Variants in RPS6KC1 observed in about 807,000 individuals in gnomAD.
RPS6KC1 encodes the protein ribosomal protein S6 kinase C1, also known as inactive ribosomal protein S6 kinase delta-1.
A neutral mutation model predicts 103.8 loss-of-function variants in RPS6KC1; 54 were observed. That is an observed-to-expected ratio of 0.52 (90% confidence interval 0.42 to 0.65). The LOEUF (loss-of-function observed/expected upper bound fraction) is 0.65, where lower values mean the gene tolerates loss of function less well. Ranked by LOEUF, RPS6KC1 falls within the 30% of genes least tolerant of loss-of-function variation. The probability of loss-of-function intolerance (pLI) is 0.00; values close to 1 mark genes in which losing one functional copy is unlikely to be tolerated. For missense variants in RPS6KC1, 1,151 were observed against 1,253.8 expected (o/e 0.92, Z 1.24); for synonymous variants, 439 against 438.7 (o/e 1.00, Z -0.01).
chr1:213,672,675 G>A, the RPS6KC1 span, among the ~76,000 whole-genome samples: 28 of 152,206 alleles, frequency 1.8e-4, no homozygotes, highest in Admixed American at 4.6e-4. Context: ...TCCACTCTGA[G>A]TGTTTCAACT....
chr1:213,487,870 A>T, the RPS6KC1 span, among the ~76,000 whole-genome samples: 1 of 152,214 alleles, frequency 6.6e-6, no homozygotes, highest in African/African-American at 2.4e-5. Flanking sequence ...CCTTATCTAC[A>T]CATGCTTGCC....
intron 10 of RPS6KC1, among the ~76,000 whole-genome samples, chr1:213,239,386 G>A (rs74139162): frequency 0.015 from 2,217 of 152,048 alleles, 49 homozygotes; most frequent in African/African-American, 0.05. Context: ...TAACTAGATC[G>A]CTGCTACAAA....
the RPS6KC1 span, among the ~76,000 whole-genome samples, chr1:213,734,798 G>A: frequency 0.14 from 22,047 of 152,266 alleles, 1,760 homozygotes; most frequent in Middle Eastern, 0.21. Flanking sequence ...GAGCTACTTT[G>A]CCCTTGCACC....
At chr1:213,318,357 C>T in the RPS6KC1 span, among the ~76,000 whole-genome samples, 3 of 152,242 alleles carry the variant, frequency 2.0e-5, no homozygotes, top group African/African-American at 7.2e-5. Context: ...GCTAAAGGCC[C>T]TTGTCTTGCA....
At chr1:213,146,587 G>A (rs556463457) in intron 6 of RPS6KC1, among the ~76,000 whole-genome samples, 6 of 151,718 alleles carry the variant, frequency 4.0e-5, no homozygotes, top group Non-Finnish European at 7.4e-5. Context: ...CACCATGCCC[G>A]GGTAATTTTT....
chr1:213,236,542 G>T lies in RPS6KC1; in HGVS notation c.1226-4160G>T, dbSNP rs146850176. ...AGAGAGGTTTAAAATATTTACTATTGCTTTTAATAAAGCCCTTTCTTAAAC... is the reference window on the plus strand; with the variant it reads ...AGAGAGGTTTAAAATATTTACTATTTCTTTTAATAAAGCCCTTTCTTAAAC... On this transcript the variant is annotated intron_variant, in intron 10 of 14. Coordinates refer to ENST00000366960, the MANE Select transcript of RPS6KC1 (RefSeq NM_012424.6). Among the ~76,000 whole-genome samples, 736 of 152,196 alleles carry T rather than the reference G, an allele frequency of 4.8e-3. 5 individuals are homozygous for T. The highest frequency in any genetic ancestry group is 0.014 in the African/African-American group (601 of 41,548).
the RPS6KC1 span, among the ~76,000 whole-genome samples, chr1:213,315,472 A>G: frequency 6.6e-6 from 1 of 152,272 alleles, no homozygotes; most frequent in African/African-American, 2.4e-5. Context: ...TGATGTATTT[A>G]TCACACATAG....
At chr1:213,562,871 C>A in the RPS6KC1 span, among the ~76,000 whole-genome samples, 1 of 151,768 alleles carries the variant, frequency 6.6e-6, no homozygotes, top group Admixed American at 6.6e-5. Context: ...AATATGTTGC[C>A]CAGGCTGGTC....
the RPS6KC1 span, among the ~76,000 whole-genome samples, chr1:213,376,084 C>CTGTGTGTG: frequency 1.8e-3 from 256 of 140,332 alleles, 1 homozygote; most frequent in African/African-American, 4.9e-3. Flanking sequence ...CTCGTGACAA[C>CTGTGTGTG]TGTGTGTGTG....
intron 8 of RPS6KC1, among the ~76,000 whole-genome samples, chr1:213,184,045 A>G (rs2092414952): frequency 6.6e-6 from 1 of 152,180 alleles, no homozygotes; most frequent in Non-Finnish European, 1.5e-5. Flanking sequence ...AGTACGAATT[A>G]CCACCCAAAA....
Position 213,051,529 on chromosome 1 carries a change from T to G in RPS6KC1, c.105+20T>G, listed in dbSNP as rs2076945557. 6.4e-7 allele frequency: 1 copy of G among 1,565,320 alleles called. No homozygotes were observed. ...GCCCGGGTGAGTGCCGGTGTCGGGC[T>G]GGGGTAGAGCTTGGATTGGGACCTG... On this transcript the variant is annotated intron_variant, in intron 1 of 14. Coordinates refer to ENST00000366960, the MANE Select transcript of RPS6KC1 (RefSeq NM_012424.6).
chr1:213,351,119 G>A, the RPS6KC1 span, among the ~76,000 whole-genome samples: 1 of 152,150 alleles, frequency 6.6e-6, no homozygotes, highest in Non-Finnish European at 1.5e-5. Flanking sequence ...GAAATGGAAT[G>A]TTTTCCACCA....
the RPS6KC1 span, among the ~76,000 whole-genome samples, chr1:213,649,235 A>C: frequency 6.8e-6 from 1 of 146,714 alleles, no homozygotes; most frequent in Non-Finnish European, 1.5e-5. Context: ...TATACAGCCT[A>C]TGAGTACGTT....
the RPS6KC1 span, among the ~76,000 whole-genome samples, chr1:213,817,219 C>T: frequency 1.6e-4 from 24 of 152,284 alleles, no homozygotes; most frequent in Middle Eastern, 0.01. Flanking sequence ...CTTCCAAACC[C>T]CAACGCACGC....
chr1:213,210,685 T>G (rs988306687), intron 8 of RPS6KC1, among the ~76,000 whole-genome samples: 3 of 152,258 alleles, frequency 2.0e-5, no homozygotes, highest in Non-Finnish European at 4.4e-5. Flanking sequence ...AAAAATAATG[T>G]TAAATTTTAA....
At chr1:213,352,260 A>G in the RPS6KC1 span, among the ~76,000 whole-genome samples, 1 of 152,192 alleles carries the variant, frequency 6.6e-6, no homozygotes, top group African/African-American at 2.4e-5. Context: ...AAAGGTGCAA[A>G]ATGAACTGAG....
intron 3 of RPS6KC1, among the ~76,000 whole-genome samples, chr1:213,083,061 A>G (rs938281104): frequency 5.9e-5 from 9 of 152,198 alleles, no homozygotes; most frequent in African/African-American, 2.2e-4. Flanking sequence ...GTAAACCCCA[A>G]TAAGAGTCAC....
chr1:213,341,856 A>G, the RPS6KC1 span, among the ~76,000 whole-genome samples: 1 of 152,198 alleles, frequency 6.6e-6, no homozygotes, highest in Non-Finnish European at 1.5e-5. Context: ...GTTTTCTGCC[A>G]TCTTCAAATG....
chr1:213,728,965 T>C, the RPS6KC1 span, among the ~76,000 whole-genome samples: 2 of 141,124 alleles, frequency 1.4e-5, no homozygotes, highest in South Asian at 2.3e-4. Flanking sequence ...TTTTTTTTTT[T>C]ACCAGTGGAC....
Sources: allele counts gnomAD v4.1 joint callset (sites outside exome capture counted in the v4.1 genomes callset), GRCh38; gene constraint gnomAD v4.1.1; transcripts MANE v1.5; gene names NCBI Gene and HGNC (gene_info 2026-07-23, HGNC 2026-07-21).